The following DOP1A variants were observed in gnomAD, a reference collection of about 807,000 sequenced individuals.
DOP1A encodes the protein DOP1 leucine zipper like protein A.
Under a neutral mutation model 267.6 loss-of-function variants are expected in DOP1A, and 90 were observed. The ratio of observed to expected loss-of-function variants is 0.34; its 90% CI spans 0.28 to 0.40. The LOEUF is 0.40. Among genes scored for constraint, DOP1A ranks in the 10% least tolerant of loss-of-function variants. The pLI is 1.00. For missense variants in DOP1A, 2,437 were observed against 2,900.4 expected (o/e 0.84, Z 3.67); for synonymous variants, 932 against 999.1 (o/e 0.93, Z 1.27).
chr6:83,138,918 C>T lies in DOP1A; in HGVS notation c.4876C>T (p.Leu1626Phe), dbSNP rs778034560. The T allele has an allele frequency of 3.1e-6, 5 of 1,614,094 alleles. No individual in the cohort carries two copies. In the South Asian group the frequency reaches 3.3e-5, roughly 11 times the overall value. ...HISPHQPMTS[L>F]QYLHAQPITC... ...CAGTCCCCATCAACCCATGACTTCT[C>T]TTCAGTATTTGCATGCTCAGCCAAT... Residue 1626 changes from leucine to phenylalanine, a missense_variant, in exon 21 of 39, where the codon CTT (leucine) becomes TTT (phenylalanine). Leu to Phe is a conservative substitution (Grantham distance 22). This residue lies in a region of DOP1A where 878 missense variants were observed against 992.9 expected (regional missense o/e 0.88). Transcript: ENST00000349129.
Position 83,124,906 on chromosome 6 carries a change from T to A in DOP1A, c.1455+87T>A, listed in dbSNP as rs1017886530. 48 of 1,080,362 alleles carry A rather than the reference T, an allele frequency of 4.4e-5. No homozygotes were observed. The African/African-American group carries it at 7.5e-4, about 17-fold the overall frequency. The allele number at this position is 1,080,362 out of a possible 1,614,324, so 66.9% of individuals were successfully genotyped here. A position where few individuals can be genotyped will look rare whatever the true frequency, so the allele number is the denominator to read the frequency against. ...GTTGTAGGCAAGCCTTCAGATACAT[T>A]TCATCTTTAAAATTAAATTGATTTT... is the stretch of plus-strand genomic sequence containing the variant. On this transcript the variant is annotated intron_variant, in intron 13 of 38. Transcript: ENST00000349129.
At chr6:83,074,704 A>C (rs1562263260) in intron 1 of DOP1A, among the ~76,000 whole-genome samples, 1 of 152,194 alleles carries the variant, frequency 6.6e-6, no homozygotes, top group Non-Finnish European at 1.5e-5. Context: ...GGCTAGGCTA[A>C]GTAATGATGT....
At position 83,120,756 on chromosome 6, in the gene DOP1A, G is replaced by A. The variant is rs1323001292; in HGVS notation, c.1064G>A (p.Arg355His). ...NTLMQDLKPF[R>H]ILISLLDKPE... ...CTAATGCAGGATCTAAAGCCTTTTC[G>A]CATTTTAATCAGTTTACTGGACAAA... is the stretch of plus-strand genomic sequence containing the variant. The change falls in exon 10 of 39, where the codon CGC becomes CAC. Residue 355 changes from arginine (R) to histidine (H), a missense_variant. By Grantham distance (29) the Arg-to-His change is conservative. Coordinates refer to ENST00000349129, the MANE Select transcript of DOP1A (RefSeq NM_015018.4). 1.3e-6 allele frequency: 2 copies of A among 1,577,868 alleles called. No homozygotes were observed. Among genetic ancestry groups the A allele is most frequent in the Non-Finnish European group, 8.7e-7 (1 of 1,154,932 alleles).
chr6:83,152,465 CTA>C (rs1232334707), intron 30 of DOP1A, 98 bp downstream of exon 30: 3 of 481,992 alleles, frequency 6.2e-6, no homozygotes, highest in African/African-American at 6.1e-5. Context: ...ATTTGAGAAA[CTA>C]TTTTGTGCTT....
chr6:83,089,179 A>G (rs1296716444), intron 1 of DOP1A, among the ~76,000 whole-genome samples: 1 of 152,218 alleles, frequency 6.6e-6, no homozygotes, highest in Non-Finnish European at 1.5e-5. Flanking sequence ...GCAGCTAGTG[A>G]TAAGCAAACT....
intron 9 of DOP1A, 78 bp from the exon 10 acceptor site, chr6:83,120,605 T>A: frequency 8.1e-7 from 1 of 1,232,850 alleles, no homozygotes; most frequent in South Asian, 2.0e-5. Context: ...TATGGTTGCA[T>A]TTAAAAATAC....
chr6:83,122,835 G>C (rs1776569317), intron 11 of DOP1A, 28 bp from the exon 12 acceptor site: 2 of 1,407,704 alleles, frequency 1.4e-6, no homozygotes, highest in Non-Finnish European at 1.9e-6. Flanking sequence ...ATATTTTTTA[G>C]TTTTTGTTTT....
At chr6:83,158,260 C>A (rs1016363381) in intron 35 of DOP1A, among the ~76,000 whole-genome samples, 1 of 152,114 alleles carries the variant, frequency 6.6e-6, no homozygotes, top group South Asian at 2.1e-4. Context: ...CTCGACCTCC[C>A]AAAGTGCTGG....
At chr6:83,167,729 G>A (rs913419179) in intron 38 of DOP1A, 133 bp from the exon 39 acceptor site, 84 of 1,443,758 alleles carry the variant, frequency 5.8e-5, no homozygotes, top group Non-Finnish European at 6.1e-5. Context: ...GTTTTGATCA[G>A]GTCAGGAGTT....
intron 1 of DOP1A, among the ~76,000 whole-genome samples, chr6:83,088,404 A>T (rs899886204): frequency 6.6e-6 from 1 of 150,818 alleles, no homozygotes; most frequent in East Asian, 2.0e-4. Context: ...ATACCTAGTA[A>T]GTGTTGTCTT....
At chr6:83,075,697 A>G (rs761719051) in intron 1 of DOP1A, among the ~76,000 whole-genome samples, 35 of 152,346 alleles carry the variant, frequency 2.3e-4, no homozygotes, top group Middle Eastern at 3.4e-3. Flanking sequence ...ACTAGTTTAT[A>G]CGGTCCAACA....
At chr6:83,130,712 T>TA (rs1441669304) in intron 17 of DOP1A, among the ~76,000 whole-genome samples, 1 of 151,926 alleles carries the variant, frequency 6.6e-6, no homozygotes, top group East Asian at 1.9e-4. Flanking sequence ...CGGTAGAACT[T>TA]ACTTTCAGAT....
At position 83,129,167 on chromosome 6, in the gene DOP1A, A is replaced by G; in HGVS notation, c.2000A>G (p.Lys667Arg). Residue 667 changes from lysine to arginine, a missense_variant, in exon 16 of 39, where the codon AAG becomes AGG. Transcript: ENST00000349129. ...CAGGGGACAGCAACCCGAAGTAGGAAGACAGCCCAAAAGACTGCAATGCAG... is the reference window on the plus strand; with the variant it reads ...CAGGGGACAGCAACCCGAAGTAGGAGGACAGCCCAAAAGACTGCAATGCAG... ...VTQGTATRSRKTAQKTAMQCC... is the reference protein window; with the variant it reads ...VTQGTATRSRRTAQKTAMQCC... The G allele has an allele frequency of 1.2e-6, 2 of 1,612,820 alleles. No individual in the cohort carries two copies. The highest frequency in any genetic ancestry group is 8.5e-7 in the Non-Finnish European group (1 of 1,179,400).
intron 4 of DOP1A, among the ~76,000 whole-genome samples, chr6:83,102,882 C>A (rs1036032451): frequency 2.6e-5 from 4 of 152,084 alleles, no homozygotes; most frequent in African/African-American, 9.7e-5. Flanking sequence ...TTATTCTTTT[C>A]CCCCCAGTTT....
chr6:83,169,361 A>G (rs1169768763), downstream of DOP1A: 3 of 1,610,630 alleles, frequency 1.9e-6, no homozygotes, highest in South Asian at 3.3e-5. Context: ...TGAGAAAGAC[A>G]TAGCATGTGT....
chr6:83,167,324 CCCTT>C, intron 38 of DOP1A: 1 of 985,466 alleles, frequency 1.0e-6, no homozygotes, highest in Non-Finnish European at 1.2e-6. Context: ...CCTGAGGGAT[CCCTT>C]CCTTTCTCTG....
At chr6:83,131,960 T>C (rs749369386) in intron 17 of DOP1A, among the ~76,000 whole-genome samples, 2 of 152,072 alleles carry the variant, frequency 1.3e-5, no homozygotes, top group Non-Finnish European at 2.9e-5. Flanking sequence ...TGAAAACAAA[T>C]ATCATTAAAG....
At chr6:83,090,698 AT>A (rs1562282188) in intron 1 of DOP1A, among the ~76,000 whole-genome samples, 1 of 152,194 alleles carries the variant, frequency 6.6e-6, no homozygotes, top group African/African-American at 2.4e-5. Flanking sequence ...TCAGTGATGG[AT>A]TTGGTGGAAA....
At chr6:83,098,013 C>T (rs939584830) in intron 3 of DOP1A, among the ~76,000 whole-genome samples, 1 of 152,028 alleles carries the variant, frequency 6.6e-6, no homozygotes, top group Non-Finnish European at 1.5e-5. Context: ...CCACCTCAGC[C>T]TTCTGAGTAG....
Sources: allele counts gnomAD v4.1 joint callset (sites outside exome capture counted in the v4.1 genomes callset), GRCh38; gene constraint gnomAD v4.1.1; regional missense constraint gnomAD v4.1.1; transcripts MANE v1.5; gene names NCBI Gene and HGNC (gene_info 2026-07-23, HGNC 2026-07-21).